The following APBB2 variants were observed in gnomAD, a reference collection of about 807,000 sequenced individuals.
The protein encoded by APBB2 is Fe65-like 1.
In APBB2, 38 loss-of-function variants were observed where a neutral mutation model predicts 82.5. The ratio of observed to expected loss-of-function variants is 0.46; its 90% CI spans 0.36 to 0.60. The LOEUF (loss-of-function observed/expected upper bound fraction) is 0.60. Among genes scored for constraint, APBB2 ranks in the 20% least tolerant of loss-of-function variants. The pLI is 0.00. For missense variants in APBB2, 772 were observed against 972.3 expected, an observed-to-expected ratio of 0.79 and a Z score of 2.74; for synonymous variants, 341 against 368.2, an observed-to-expected ratio of 0.93 and a Z score of 0.85.
intron 2 of APBB2, among the ~76,000 whole-genome samples, chr4:41,101,662 TAACACGC>T (rs1024519786): frequency 6.6e-5 from 10 of 151,782 alleles, no homozygotes; most frequent in African/African-American, 2.2e-4. Context: ...ACCTCACTTA[TAACACGC>T]TACTTCTAGG....
chr4:41,111,895 GAA>G (rs1749318029), intron 2 of APBB2, among the ~76,000 whole-genome samples: 1 of 152,116 alleles, frequency 6.6e-6, no homozygotes, highest in Admixed American at 6.5e-5. Context: ...AAAAGAAAGA[GAA>G]AGAATCCGTT....
At chr4:40,878,966 A>C (rs2154344751) in intron 12 of APBB2, among the ~76,000 whole-genome samples, 1 of 152,154 alleles carries the variant, frequency 6.6e-6, no homozygotes, top group East Asian at 1.9e-4. Flanking sequence ...TCTGGGTTCA[A>C]TTTCCTAATT....
intron 4 of APBB2, among the ~76,000 whole-genome samples, chr4:41,034,324 G>A (rs952838298): frequency 5.9e-5 from 9 of 152,020 alleles, no homozygotes; most frequent in African/African-American, 2.2e-4. Flanking sequence ...AAAAGGGGTT[G>A]TTGGTTTTTT....
At chr4:41,017,872 G>A (rs1477791673) in intron 5 of APBB2, among the ~76,000 whole-genome samples, 2 of 152,198 alleles carry the variant, frequency 1.3e-5, no homozygotes, top group South Asian at 2.1e-4. Context: ...TAAGAGGATA[G>A]AGGTTTGTGT....
intron 12 of APBB2, among the ~76,000 whole-genome samples, chr4:40,857,624 C>T (rs527439809): frequency 2.1e-3 from 324 of 152,252 alleles, no homozygotes; most frequent in Middle Eastern, 0.014. Context: ...GCGCCCGCCA[C>T]CATGCCTGGC....
At chr4:41,103,145 T>C (rs1420169875) in intron 2 of APBB2, among the ~76,000 whole-genome samples, 2 of 152,228 alleles carry the variant, frequency 1.3e-5, no homozygotes, top group Non-Finnish European at 2.9e-5. Flanking sequence ...TTAAAAAAGA[T>C]TGTCTTTCAC....
At chr4:41,097,068 C>CA (rs1743729341) in intron 3 of APBB2, among the ~76,000 whole-genome samples, 1 of 152,216 alleles carries the variant, frequency 6.6e-6, no homozygotes, top group South Asian at 2.1e-4. Context: ...CAAAATCTAT[C>CA]AGTGTTCCTT....
At chr4:40,843,913 A>ATGCACCCATGATGGGTAC (rs1553934922) in intron 12 of APBB2, among the ~76,000 whole-genome samples, 2 of 152,110 alleles carry the variant, frequency 1.3e-5, no homozygotes, top group African/African-American at 4.8e-5. Context: ...CTAGTCTTAG[A>ATGCACCCATGATGGGTAC]TGCACCCATG....
intron 17 of APBB2, among the ~76,000 whole-genome samples, chr4:40,818,569 T>G (rs1378524604): frequency 2.0e-5 from 3 of 152,190 alleles, no homozygotes; most frequent in African/African-American, 7.2e-5. Flanking sequence ...TTCTATTTTC[T>G]TCACAGATCT....
At chr4:41,175,381 A>T (rs1210765651) in intron 1 of APBB2, among the ~76,000 whole-genome samples, 2 of 152,218 alleles carry the variant, frequency 1.3e-5, no homozygotes, top group Non-Finnish European at 2.9e-5. Context: ...AACTACATTT[A>T]TTAAAATGTA....
intron 1 of APBB2, chr4:41,207,919 T>C (rs909037909): frequency 3.9e-5 from 6 of 152,220 alleles, no homozygotes; most frequent in South Asian, 4.1e-4. Flanking sequence ...GAGAAAGGCA[T>C]AGTATCAGAG....
At chr4:40,985,517 T>C (rs768988993) in intron 6 of APBB2, among the ~76,000 whole-genome samples, 7 of 152,172 alleles carry the variant, frequency 4.6e-5, no homozygotes, top group Non-Finnish European at 1.0e-4. Flanking sequence ...GGGGTGGCTC[T>C]GATGAAGACA....
intron 12 of APBB2, among the ~76,000 whole-genome samples, chr4:40,879,588 T>C (rs1489981875): frequency 6.6e-6 from 1 of 152,212 alleles, no homozygotes; most frequent in Non-Finnish European, 1.5e-5. Flanking sequence ...GAACTAGAGA[T>C]AATTTCTAGA....
intron 5 of APBB2, among the ~76,000 whole-genome samples, chr4:41,027,950 C>T (rs2154437916): frequency 6.6e-6 from 1 of 152,304 alleles, no homozygotes; most frequent in South Asian, 2.1e-4. Flanking sequence ...AGGATCGATT[C>T]CTAATCCAGA....
chr4:40,954,934 C>A (rs1165473628), intron 6 of APBB2, among the ~76,000 whole-genome samples: 1 of 152,100 alleles, frequency 6.6e-6, no homozygotes, highest in Admixed American at 6.5e-5. Context: ...TACAGGCATG[C>A]ACCACTGTAC....
intron 12 of APBB2, among the ~76,000 whole-genome samples, chr4:40,870,512 G>A (rs1011823266): frequency 1.3e-5 from 2 of 152,180 alleles, no homozygotes; most frequent in Non-Finnish European, 2.9e-5. Flanking sequence ...CACTCCAAAA[G>A]CCCTTTCATT....
intron 10 of APBB2, among the ~76,000 whole-genome samples, chr4:40,933,664 A>T (rs967121193): frequency 1.3e-5 from 2 of 151,970 alleles, no homozygotes; most frequent in Non-Finnish European, 2.9e-5. Context: ...GTAGGGAGGG[A>T]GATAGGGAGG....
chr4:41,088,236 A>C (rs911456033), intron 3 of APBB2, among the ~76,000 whole-genome samples: 4 of 152,172 alleles, frequency 2.6e-5, no homozygotes, highest in African/African-American at 9.7e-5. Flanking sequence ...ATCTTCTCTA[A>C]TCGAACTCCT....
chr4:41,058,776 A>T (rs1728708127), intron 4 of APBB2, among the ~76,000 whole-genome samples: 1 of 152,162 alleles, frequency 6.6e-6, no homozygotes, highest in South Asian at 2.1e-4. Flanking sequence ...CTTTAATAGG[A>T]TGGTGGTAAT....
Sources: allele counts gnomAD v4.1 joint callset (sites outside exome capture counted in the v4.1 genomes callset), GRCh38; gene constraint gnomAD v4.1.1; transcripts MANE v1.5; gene names NCBI Gene and HGNC (gene_info 2026-07-23, HGNC 2026-07-21).